Variants in MITF observed in about 807,000 individuals in gnomAD.
MITF encodes the protein melanocyte inducing transcription factor.
Under a neutral mutation model 60.5 loss-of-function variants are expected in MITF, and 17 were observed. That is an observed-to-expected ratio of 0.28 (90% CI 0.19 to 0.42). The LOEUF (loss-of-function observed/expected upper bound fraction) is 0.42, where lower values mean the gene tolerates loss of function less well. MITF is among the 10% of genes least tolerant of loss of function. The pLI is 1.00. For missense variants in MITF, 622 were observed against 683.5 expected (o/e 0.91, Z 1.00); for synonymous variants, 260 against 248.5 (o/e 1.05, Z -0.43).
intron 1 of MITF, among the ~76,000 whole-genome samples, chr3:69,819,752 A>G (rs1216692960): frequency 6.6e-6 from 1 of 152,180 alleles, no homozygotes; most frequent in Non-Finnish European, 1.5e-5. Context: ...ACTTGAGGTC[A>G]GGAGTTCCAG....
intron 2 of MITF, among the ~76,000 whole-genome samples, chr3:69,925,047 G>A (rs531476682): frequency 6.6e-6 from 1 of 151,976 alleles, no homozygotes; most frequent in Non-Finnish European, 1.5e-5. Flanking sequence ...TGAGCTATAT[G>A]ATTTAACACT....
chr3:69,754,627 T>C (rs11711591), intron 1 of MITF, among the ~76,000 whole-genome samples: 31,658 of 148,334 alleles, frequency 0.21, 4,432 homozygotes, highest in Non-Finnish European at 0.31. Flanking sequence ...ACATCTCTCT[T>C]TTTTTTTTTT....
intron 2 of MITF, among the ~76,000 whole-genome samples, chr3:69,895,515 T>TAA (rs1009988475): frequency 1.3e-5 from 2 of 151,992 alleles, no homozygotes; most frequent in African/African-American, 4.8e-5. Flanking sequence ...ACAAATGTCC[T>TAA]AAAGTCTATA....
intron 1 of MITF, among the ~76,000 whole-genome samples, chr3:69,841,218 A>G (rs1185882214): frequency 6.6e-6 from 1 of 152,262 alleles, no homozygotes; most frequent in African/African-American, 2.4e-5. Context: ...TTAAATCCAT[A>G]TTCACACATA....
intron 8 of MITF, 98 bp downstream of exon 8, chr3:69,956,628 G>A (rs1230396429): frequency 1.0e-6 from 1 of 957,732 alleles, no homozygotes; most frequent in East Asian, 2.5e-5. Flanking sequence ...CTAAAGTAAA[G>A]AAGTCTCCCC....
chr3:69,829,779 A>G (rs971248697), intron 1 of MITF, among the ~76,000 whole-genome samples: 5 of 152,016 alleles, frequency 3.3e-5, no homozygotes, highest in African/African-American at 1.2e-4. Flanking sequence ...CTCCCTATGG[A>G]TGTTAACATC....
intron 2 of MITF, among the ~76,000 whole-genome samples, chr3:69,933,312 A>G (rs979720268): frequency 8.5e-5 from 13 of 152,284 alleles, no homozygotes; most frequent in Admixed American, 3.3e-4. Context: ...CTAGATAGGG[A>G]TATTTCTTCC....
intron 1 of MITF, among the ~76,000 whole-genome samples, chr3:69,764,630 C>T (rs1400673529): frequency 6.6e-6 from 1 of 152,176 alleles, no homozygotes; most frequent in African/African-American, 2.4e-5. Flanking sequence ...TGATTTTGCA[C>T]TTTGGACTGT....
intron 2 of MITF, among the ~76,000 whole-genome samples, chr3:69,910,126 C>G (rs1000409071): frequency 7.9e-5 from 12 of 152,218 alleles, no homozygotes; most frequent in Admixed American, 1.3e-4. Context: ...GTGTCCCAGC[C>G]TCTCCAACTG....
intron 2 of MITF, among the ~76,000 whole-genome samples, chr3:69,926,527 C>A (rs1016866247): frequency 1.3e-5 from 2 of 152,038 alleles, no homozygotes; most frequent in Non-Finnish European, 2.9e-5. Flanking sequence ...TCTCTAATAC[C>A]CGATAAACTG....
At chr3:69,844,325 C>T (rs1248421226) in intron 1 of MITF, among the ~76,000 whole-genome samples, 5 of 152,150 alleles carry the variant, frequency 3.3e-5, no homozygotes, top group Non-Finnish European at 7.4e-5. Flanking sequence ...CAGACATCTA[C>T]AACCATCTGA....
At chr3:69,842,519 T>C (rs150809633) in intron 1 of MITF, among the ~76,000 whole-genome samples, 3 of 152,264 alleles carry the variant, frequency 2.0e-5, no homozygotes, top group South Asian at 2.1e-4. Context: ...TCAAAAATTA[T>C]AGCATCAGAA....
chr3:69,896,257 A>C (rs2064874110), intron 2 of MITF, among the ~76,000 whole-genome samples: 1 of 152,252 alleles, frequency 6.6e-6, no homozygotes, highest in Non-Finnish European at 1.5e-5. Flanking sequence ...AGAAAGTCTT[A>C]GCCCTAGATA....
chr3:69,939,807 A>T (rs1233755448), intron 4 of MITF, among the ~76,000 whole-genome samples: 1 of 152,154 alleles, frequency 6.6e-6, no homozygotes, highest in Middle Eastern at 3.2e-3. Context: ...AAAATATTTT[A>T]AAAATGCTAT....
At chr3:69,911,723 C>A (rs1350862360) in intron 2 of MITF, among the ~76,000 whole-genome samples, 1 of 152,084 alleles carries the variant, frequency 6.6e-6, no homozygotes, top group Non-Finnish European at 1.5e-5. Flanking sequence ...TACACAGATA[C>A]AAATAGTATT....
rs1422697078 is a variant in MITF, at chr3:69,951,801, C to T, written c.881-11C>T. On this transcript the variant is annotated splice_polypyrimidine_tract_variant and intron_variant, in intron 6 of 9. Coordinates refer to ENST00000352241, the MANE Select transcript of MITF (RefSeq NM_001354604.2). ...AGTTCCAACTTCTAATGACTTCATT[C>T]ACGTGCACAGCGTGTATTTTTCCCA... 1 of 1,610,866 alleles carries T rather than the reference C, an allele frequency of 6.2e-7. No homozygotes were observed. Among genetic ancestry groups the T allele is most frequent in the Non-Finnish European group, 8.5e-7 (1 of 1,177,464 alleles).
intron 1 of MITF, among the ~76,000 whole-genome samples, chr3:69,789,418 C>T (rs1408569989): frequency 6.6e-6 from 1 of 152,086 alleles, no homozygotes; most frequent in Non-Finnish European, 1.5e-5. Context: ...CTAAGAAATG[C>T]AAATCGGAAC....
intron 1 of MITF, among the ~76,000 whole-genome samples, chr3:69,766,765 G>A (rs1001336473): frequency 6.6e-6 from 1 of 152,018 alleles, no homozygotes; most frequent in Non-Finnish European, 1.5e-5. Context: ...GCTGCAGTAC[G>A]GTAGATATTG....
At chr3:69,762,393 T>A (rs981138153) in intron 1 of MITF, among the ~76,000 whole-genome samples, 2 of 152,188 alleles carry the variant, frequency 1.3e-5, no homozygotes, top group African/African-American at 4.8e-5. Flanking sequence ...CCAAGAAAAG[T>A]GTAAACATCC....
Sources: allele counts gnomAD v4.1 joint callset (sites outside exome capture counted in the v4.1 genomes callset), GRCh38; gene constraint gnomAD v4.1.1; transcripts MANE v1.5; gene names NCBI Gene and HGNC (gene_info 2026-07-23, HGNC 2026-07-21).